The following SPTBN1 variants were observed in gnomAD, a reference collection of about 807,000 sequenced individuals.
SPTBN1 encodes the protein spectrin beta chain, non-erythrocytic 1.
A neutral mutation model predicts 266.4 loss-of-function variants in SPTBN1; 32 were observed. The observed-to-expected ratio is 0.12, with a 90% confidence interval of 0.09 to 0.16. SPTBN1 has a LOEUF of 0.16. Among genes scored for constraint, SPTBN1 ranks in the 10% least tolerant of loss-of-function variants. The pLI, the probability that SPTBN1 is intolerant of heterozygous loss-of-function variation, is 1.00. For missense variants in SPTBN1, 2,296 were observed against 3,067.1 expected (o/e 0.75, Z 5.94); for synonymous variants, 1,336 against 1,162.2 (o/e 1.15, Z -3.04).
At chr2:54,615,865 G>A (rs557134758) in intron 4 of SPTBN1, among the ~76,000 whole-genome samples, 3 of 152,212 alleles carry the variant, frequency 2.0e-5, no homozygotes, top group African/African-American at 7.2e-5. Flanking sequence ...ACCGAACTCA[G>A]TATTTTTCTG....
chr2:54,544,371 A>G lies in SPTBN1; in HGVS notation c.148+17805A>G, dbSNP rs143568551. Among the ~76,000 whole-genome samples, 209 of 152,302 alleles carry G rather than the reference A, an allele frequency of 1.4e-3. 2 individuals are homozygous for G. Among genetic ancestry groups the G allele is most frequent in the African/African-American group, 4.9e-3 (202 of 41,552 alleles). On this transcript the variant is annotated intron_variant, in intron 2 of 35. Coordinates refer to ENST00000356805, the MANE Select transcript of SPTBN1 (RefSeq NM_003128.3). Reference sequence around the variant, plus strand: ...GGAAAATCTTCTACCTCTCCCTACAATTACTCCATATTAGCAAATTATGAG... The same window carrying G: ...GGAAAATCTTCTACCTCTCCCTACAGTTACTCCATATTAGCAAATTATGAG...
chr2:54,475,331 T>G (rs1293162509), intron 1 of SPTBN1, among the ~76,000 whole-genome samples: 1 of 152,246 alleles, frequency 6.6e-6, no homozygotes, highest in African/African-American at 2.4e-5. Context: ...TTTGGTTCCA[T>G]AATACTTCCA....
At position 54,645,008 on chromosome 2, in the gene SPTBN1, T is replaced by C; in HGVS notation, c.4270-221T>C. On this transcript the variant is annotated intron_variant, in intron 20 of 35. Coordinates refer to ENST00000356805, the MANE Select transcript of SPTBN1 (RefSeq NM_003128.3). The surrounding 1 kb of genome is among the most constrained non-coding windows in gnomAD (Gnocchi z 4.3). The stretch of plus-strand genomic sequence containing the variant: ...AGGTAATAAAAATAACTGTTTATAT[T>C]ATATCACCGTAGAGGGCTTTAAGGG... 1 of 565,934 alleles carries C rather than the reference T, an allele frequency of 1.8e-6. No homozygotes were observed. The highest frequency in any genetic ancestry group is 3.1e-6 in the Non-Finnish European group (1 of 318,922). 35.1% of individuals were successfully genotyped at this position (565,934 alleles called of 1,614,324 possible).
chr2:54,528,746 T>C (rs989176444), intron 2 of SPTBN1: 3 of 150,844 alleles, frequency 2.0e-5, no homozygotes, highest in Non-Finnish European at 4.4e-5. Context: ...AGAGCATTGC[T>C]AGTGAGGTAA....
chr2:54,657,102 G>A (rs1680718239), intron 29 of SPTBN1, among the ~76,000 whole-genome samples: 1 of 152,192 alleles, frequency 6.6e-6, no homozygotes, highest in South Asian at 2.1e-4. Context: ...GAAAATCAGT[G>A]TTAACTATAG....
intron 1 of SPTBN1, among the ~76,000 whole-genome samples, chr2:54,503,395 G>GC (rs995342658): frequency 9.2e-5 from 14 of 152,284 alleles, no homozygotes; most frequent in African/African-American, 2.6e-4. Flanking sequence ...AGGGAACAGT[G>GC]CCCCCTACCT....
At chr2:54,576,055 C>CTTTTTTTTT (rs71408771) in intron 2 of SPTBN1, among the ~76,000 whole-genome samples, 3 of 18,734 alleles carry the variant, frequency 1.6e-4, no homozygotes, top group South Asian at 1.4e-3. Flanking sequence ...TCAGATCCAG[C>CTTTTTTTTT]TTTTTTTTTT....
At chr2:54,525,495 A>T (rs535311333) in intron 1 of SPTBN1, among the ~76,000 whole-genome samples, 1 of 152,112 alleles carries the variant, frequency 6.6e-6, no homozygotes, top group African/African-American at 2.4e-5. Context: ...CAGCCTCCCA[A>T]AGTGCTGGGA....
In SPTBN1 at chr2:54,656,809, A is replaced by G. The variant is rs548509190; in HGVS notation, c.6046+811A>G. On this transcript the variant is annotated intron_variant, in intron 29 of 35. Coordinates refer to ENST00000356805, the MANE Select transcript of SPTBN1 (RefSeq NM_003128.3). The stretch of plus-strand genomic sequence containing the variant: ...TTCTTTGCAGGAGGATTTGGTCTGT[A>G]TGTTTTGAGAATTGTGGGGCAGTTT... Among the ~76,000 whole-genome samples, 21 of 152,298 alleles carry G rather than the reference A, an allele frequency of 1.4e-4. No homozygotes were observed. In the South Asian group the frequency reaches 3.9e-3, roughly 29 times the overall value.
intron 1 of SPTBN1, among the ~76,000 whole-genome samples, chr2:54,487,512 G>T (rs1668462704): frequency 6.6e-6 from 1 of 152,198 alleles, no homozygotes; most frequent in South Asian, 2.1e-4. Flanking sequence ...TTTTCTCTGA[G>T]AAGCCTTCCC....
In SPTBN1 at chr2:54,670,291, T is replaced by G. The variant is rs1294080347; in HGVS notation, c.*1722T>G. On this transcript the variant is annotated 3_prime_UTR_variant, in exon 36 of 36. Coordinates refer to ENST00000356805, the MANE Select transcript of SPTBN1 (RefSeq NM_003128.3). The stretch of plus-strand genomic sequence containing the variant: ...CTTCAGCATAGAGTCGTGGGTTATT[T>G]ACAAGTGACATACTTTTCCTGGGTT... 1 of 162,074 alleles carries G rather than the reference T, an allele frequency of 6.2e-6. No individual in the cohort carries two copies. Among genetic ancestry groups the G allele is most frequent in the African/African-American group, 2.4e-5 (1 of 41,862 alleles). 10.0% of individuals were successfully genotyped at this position (162,074 alleles called of 1,614,324 possible).
chr2:54,522,671 A>AG (rs1170077430), intron 1 of SPTBN1, among the ~76,000 whole-genome samples: 132 of 99,388 alleles, frequency 1.3e-3, no homozygotes, highest in Middle Eastern at 4.0e-3. Flanking sequence ...AGAGAGAGAG[A>AG]GAGAGAGGAG....
chr2:54,599,281 T>C, intron 3 of SPTBN1, 38 bp downstream of exon 3: 1 of 1,600,354 alleles, frequency 6.2e-7, no homozygotes. Flanking sequence ...GTGTTGTAGG[T>C]GGAAAATATT....
chr2:54,496,657 T>C (rs1242750112), intron 1 of SPTBN1, among the ~76,000 whole-genome samples: 1 of 152,212 alleles, frequency 6.6e-6, no homozygotes, highest in Non-Finnish European at 1.5e-5. Context: ...GATCAACTTA[T>C]ATGAAAACAT....
intron 3 of SPTBN1, among the ~76,000 whole-genome samples, chr2:54,608,109 C>T (rs887565841): frequency 2.6e-5 from 4 of 152,084 alleles, no homozygotes; most frequent in African/African-American, 7.2e-5. Flanking sequence ...CTGTGAGGTC[C>T]GCTCAGCACA....
chr2:54,667,585 TTC>T lies in SPTBN1; in HGVS notation c.6834-17_6834-16del. ...CTCTGTAATTAAGTGGTGACTAACT[TTC>T]TTCCTTGAAATTACAGACTAAATGA... On this transcript the variant is annotated splice_polypyrimidine_tract_variant and intron_variant, in intron 34 of 35. Coordinates refer to ENST00000356805, the MANE Select transcript of SPTBN1 (RefSeq NM_003128.3). 6.2e-7 allele frequency: 1 copy of T among 1,613,040 alleles called. No individual in the cohort carries two copies. The highest frequency in any genetic ancestry group is 8.5e-7 in the Non-Finnish European group (1 of 1,179,048).
intron 1 of SPTBN1, among the ~76,000 whole-genome samples, chr2:54,488,904 G>A (rs73932850): frequency 0.014 from 2,065 of 152,078 alleles, 48 homozygotes; most frequent in African/African-American, 0.048. Flanking sequence ...AAAATTAAGA[G>A]TACAGTTATT....
chr2:54,593,210 G>A (rs1390017052), intron 2 of SPTBN1, among the ~76,000 whole-genome samples: 2 of 152,084 alleles, frequency 1.3e-5, no homozygotes, highest in Non-Finnish European at 2.9e-5. Flanking sequence ...TAAAGGCTGA[G>A]CTGGTTGGGT....
At chr2:54,654,428 A>G (rs1572762938) in intron 27 of SPTBN1, among the ~76,000 whole-genome samples, 1 of 152,116 alleles carries the variant, frequency 6.6e-6, no homozygotes, top group South Asian at 2.1e-4. Flanking sequence ...TACATATTTA[A>G]CCTCCAGTTC....
Sources: allele counts gnomAD v4.1 joint callset (sites outside exome capture counted in the v4.1 genomes callset), GRCh38; gene constraint gnomAD v4.1.1; non-coding constraint Gnocchi (gnomAD v3.1); transcripts MANE v1.5; gene names NCBI Gene and HGNC (gene_info 2026-07-23, HGNC 2026-07-21).